The following GRM7 variants were observed in gnomAD, a reference collection of about 807,000 sequenced individuals.
GRM7 encodes the protein glutamate metabotropic receptor 7, also known as metabotropic glutamate receptor 7.
A neutral mutation model predicts 84.5 loss-of-function variants in GRM7; 35 were observed. That is an observed-to-expected ratio of 0.41 (90% CI 0.32 to 0.55). The LOEUF (loss-of-function observed/expected upper bound fraction) is 0.55. GRM7 is among the 20% of genes least tolerant of loss of function. The pLI is 0.19. For synonymous variants in GRM7, 487 were observed against 455.1 expected (o/e 1.07, Z -0.89); for missense variants, 1,003 against 1,194.6 (o/e 0.84, Z 2.36).
intron 1 of GRM7, among the ~76,000 whole-genome samples, chr3:7,022,348 T>A (rs1197247734): frequency 3.1e-5 from 3 of 96,660 alleles, no homozygotes; most frequent in South Asian, 2.8e-4. Flanking sequence ...TAATAAAATA[T>A]ATATATATAC....
At chr3:7,415,971 T>A (rs1408424778) in intron 5 of GRM7, among the ~76,000 whole-genome samples, 2 of 152,114 alleles carry the variant, frequency 1.3e-5, no homozygotes, top group African/African-American at 4.8e-5. Flanking sequence ...CAAAAGACCC[T>A]TTTGGGAGAA....
At chr3:7,214,246 C>G (rs1037945683) in intron 2 of GRM7, among the ~76,000 whole-genome samples, 3 of 152,118 alleles carry the variant, frequency 2.0e-5, no homozygotes, top group Non-Finnish European at 2.9e-5. Flanking sequence ...GAATATGCAT[C>G]TGCAGGAAAG....
intron 2 of GRM7, among the ~76,000 whole-genome samples, chr3:7,165,011 G>A (rs1484449342): frequency 1.3e-5 from 2 of 152,350 alleles, no homozygotes; most frequent in East Asian, 1.9e-4. Context: ...CTGCCCAGAA[G>A]CACTGTACAT....
intron 4 of GRM7, among the ~76,000 whole-genome samples, chr3:7,355,308 AT>A (rs1410375692): frequency 1.3e-5 from 2 of 152,068 alleles, no homozygotes; most frequent in Non-Finnish European, 2.9e-5. Context: ...AAGCCTATTT[AT>A]TAAGTGACCT....
chr3:6,978,861 T>C (rs1694094278), intron 1 of GRM7, among the ~76,000 whole-genome samples: 1 of 152,174 alleles, frequency 6.6e-6, no homozygotes. Flanking sequence ...ACTTCCAGAA[T>C]AATCATTCAT....
At chr3:7,291,332 A>G (rs960338274) in intron 2 of GRM7, among the ~76,000 whole-genome samples, 2 of 152,120 alleles carry the variant, frequency 1.3e-5, no homozygotes, top group African/African-American at 2.4e-5. Flanking sequence ...TATTCTGCTC[A>G]GTGATGCATG....
intron 2 of GRM7, among the ~76,000 whole-genome samples, chr3:7,271,352 G>A (rs533471255): frequency 1.1e-4 from 16 of 152,144 alleles, no homozygotes; most frequent in South Asian, 8.3e-4. Flanking sequence ...GAGGTCAGGA[G>A]ATCGAGACCA....
rs573042609 is a variant in GRM7, at chr3:7,124,471, G to A, written c.520-21981G>A. 7.9e-5 allele frequency among the ~76,000 whole-genome samples: 12 copies of A among 152,152 alleles called. No individual in the cohort carries two copies. The South Asian group carries it at 8.3e-4, about 11-fold the overall frequency. On this transcript the variant is annotated intron_variant, in intron 1 of 9. Transcript: ENST00000357716. ...CAGTGAACTGAGATCGCACCATTGCGCTCCAACCTGGAGTGATATCCAGAG... is the reference window on the plus strand; with the variant it reads ...CAGTGAACTGAGATCGCACCATTGCACTCCAACCTGGAGTGATATCCAGAG...
chr3:7,361,826 G>T (rs1166748201), intron 4 of GRM7, among the ~76,000 whole-genome samples: 1 of 152,092 alleles, frequency 6.6e-6, no homozygotes, highest in East Asian at 1.9e-4. Context: ...GCCCCAAGTT[G>T]CTCCTCAAAT....
chr3:7,236,453 A>G (rs578221734), intron 2 of GRM7, among the ~76,000 whole-genome samples: 1 of 152,322 alleles, frequency 6.6e-6, no homozygotes, highest in African/African-American at 2.4e-5. Context: ...TGCCTTATGC[A>G]ATGTGACTTG....
At chr3:7,725,080 C>A (rs1376376036) in intron 9 of GRM7, among the ~76,000 whole-genome samples, 1 of 152,108 alleles carries the variant, frequency 6.6e-6, no homozygotes, top group Non-Finnish European at 1.5e-5. Flanking sequence ...AGTTTACATT[C>A]CAGAGGGCAG....
chr3:7,167,199 A>G (rs1574982292), intron 2 of GRM7, among the ~76,000 whole-genome samples: 1 of 152,194 alleles, frequency 6.6e-6, no homozygotes, highest in African/African-American at 2.4e-5. Context: ...TGTTTTTATT[A>G]TCGCCAAAAT....
intron 9 of GRM7, among the ~76,000 whole-genome samples, chr3:7,735,533 T>C (rs1702473959): frequency 6.6e-6 from 1 of 152,186 alleles, no homozygotes; most frequent in East Asian, 1.9e-4. Context: ...GAGGTATTTC[T>C]AATGCTCAGA....
intron 5 of GRM7, among the ~76,000 whole-genome samples, chr3:7,420,112 G>A (rs1425833320): frequency 2.0e-5 from 3 of 152,134 alleles, no homozygotes; most frequent in African/African-American, 7.2e-5. Flanking sequence ...GTTGATAAAC[G>A]CTGTTAATGA....
At chr3:7,033,345 T>C (rs1574814568) in intron 1 of GRM7, among the ~76,000 whole-genome samples, 3 of 152,186 alleles carry the variant, frequency 2.0e-5, no homozygotes, top group African/African-American at 2.4e-5. Flanking sequence ...TTCGGGATTA[T>C]GCTATTCAAC....
intron 1 of GRM7, among the ~76,000 whole-genome samples, chr3:6,992,919 G>T (rs1360696236): frequency 6.6e-6 from 1 of 152,228 alleles, no homozygotes; most frequent in Non-Finnish European, 1.5e-5. Context: ...TCAGGGCAGA[G>T]AAAGATAGGA....
At chr3:7,199,747 C>A (rs1159472920) in intron 2 of GRM7, among the ~76,000 whole-genome samples, 1 of 152,138 alleles carries the variant, frequency 6.6e-6, no homozygotes, top group African/African-American at 2.4e-5. Context: ...GGAACCCTGA[C>A]ATAGAGCCAT....
intron 1 of GRM7, among the ~76,000 whole-genome samples, chr3:6,882,889 AC>A (rs1218610117): frequency 6.6e-6 from 1 of 152,220 alleles, no homozygotes; most frequent in Admixed American, 6.5e-5. Flanking sequence ...AATGAGAAAA[AC>A]ATCTTTGTGC....
intron 1 of GRM7, among the ~76,000 whole-genome samples, chr3:6,921,472 A>T (rs1386310994): frequency 1.3e-5 from 2 of 152,148 alleles, no homozygotes; most frequent in Non-Finnish European, 2.9e-5. Context: ...AGTAGGACAC[A>T]CTAATTAGAA....
Sources: gnomAD v4.1 joint callset for allele counts (sites outside exome capture counted in the v4.1 genomes callset) on GRCh38, gnomAD v4.1.1 for gene constraint, MANE v1.5 for transcripts, NCBI Gene and HGNC (gene_info 2026-07-23, HGNC 2026-07-21) for gene names.